Variants in PRKCI observed in about 807,000 individuals in gnomAD.
The protein encoded by PRKCI is protein kinase C iota.
In PRKCI, 43 loss-of-function variants were observed where a neutral mutation model predicts 84.0. The observed-to-expected ratio is 0.51, with a 90% CI of 0.40 to 0.66. The LOEUF is 0.66. PRKCI is among the 30% of genes least tolerant of loss of function. PRKCI has a pLI of 0.00. For synonymous variants in PRKCI, 216 were observed against 234.4 expected, an observed-to-expected ratio of 0.92 and a Z score of 0.72; for missense variants, 459 against 745.6, an observed-to-expected ratio of 0.62 and a Z score of 4.48.
At chr3:170,246,818 C>T (rs1001371731) in intron 2 of PRKCI, among the ~76,000 whole-genome samples, 2 of 152,182 alleles carry the variant, frequency 1.3e-5, no homozygotes, top group Non-Finnish European at 2.9e-5. Flanking sequence ...TAAACAATAA[C>T]TCCCTATCCC....
chr3:170,230,118 A>G (rs1082969), intron 1 of PRKCI, among the ~76,000 whole-genome samples: 121,015 of 151,408 alleles, frequency 0.8, 48,621 homozygotes, highest in South Asian at 0.89. Flanking sequence ...GTCTTAGGTA[A>G]AAGTGTTTTT....
rs1351440491 is a variant in PRKCI, at chr3:170,294,092, A to G, written c.1417+584A>G. On this transcript the variant is annotated intron_variant, in intron 14 of 17. Coordinates refer to ENST00000295797, the MANE Select transcript of PRKCI (RefSeq NM_002740.6). ...AAAATCATAACAGGGGTTATTTAGA[A>G]TTATCCATCACAAACAGATTGGAGA... Among the ~76,000 whole-genome samples, 3 of 152,198 alleles carry G rather than the reference A, an allele frequency of 2.0e-5. No homozygotes were observed. The East Asian group carries it at 5.8e-4, about 29-fold the overall frequency.
intron 2 of PRKCI, among the ~76,000 whole-genome samples, chr3:170,242,762 C>A (rs1733167909): frequency 6.6e-6 from 1 of 150,984 alleles, no homozygotes; most frequent in Non-Finnish European, 1.5e-5. Flanking sequence ...CCTCGACCTC[C>A]TGGGTTCAAG....
At chr3:170,265,088 C>T (rs568901108) in intron 4 of PRKCI, among the ~76,000 whole-genome samples, 1 of 151,948 alleles carries the variant, frequency 6.6e-6, no homozygotes, top group African/African-American at 2.4e-5. Flanking sequence ...ACCTGGGAGG[C>T]TGAGGCAGGA....
intron 7 of PRKCI, 81 bp downstream of exon 7, chr3:170,273,421 G>T: frequency 7.6e-7 from 1 of 1,322,312 alleles, no homozygotes; most frequent in African/African-American, 1.5e-5. Context: ...TCTTACCCAA[G>T]TTTAAAAACA....
Position 170,228,614 on chromosome 3 carries a change from T to TAC in PRKCI, c.101+5845_101+5846insCA, listed in dbSNP as rs773440380. 4.5e-3 allele frequency among the ~76,000 whole-genome samples: 571 copies of TAC among 127,234 alleles called. 3 individuals are homozygous for TAC. Among genetic ancestry groups the TAC allele is most frequent in the African/African-American group, 0.012 (381 of 32,224 alleles). 83.5% of individuals were successfully genotyped at this position (127,234 alleles called of 152,430 possible). A position where few individuals can be genotyped will look rare whatever the true frequency, so the allele number is the denominator to read the frequency against. On this transcript the variant is annotated intron_variant, in intron 1 of 17. Coordinates refer to ENST00000295797, the MANE Select transcript of PRKCI (RefSeq NM_002740.6). ...ATACACACACACAAATATATATATA[T>TAC]ATACACACACACACACACACACACA...
intron 8 of PRKCI, among the ~76,000 whole-genome samples, chr3:170,278,191 C>CGA (rs1734163777): frequency 1.3e-5 from 2 of 152,196 alleles, no homozygotes; most frequent in African/African-American, 4.8e-5. Flanking sequence ...GAAGTTAACT[C>CGA]TATCTTTTTT....
intron 1 of PRKCI, among the ~76,000 whole-genome samples, chr3:170,227,433 A>G (rs1264395524): frequency 1.3e-5 from 2 of 152,220 alleles, no homozygotes; most frequent in Admixed American, 6.5e-5. Context: ...TTTAATTTGA[A>G]GTACCTATGT....
At chr3:170,224,797 T>G (rs1732587533) in intron 1 of PRKCI, among the ~76,000 whole-genome samples, 1 of 152,240 alleles carries the variant, frequency 6.6e-6, no homozygotes, top group Non-Finnish European at 1.5e-5. Flanking sequence ...TTGCTGGGAT[T>G]ACAGGCATGA....
intron 12 of PRKCI, 149 bp downstream of exon 12, chr3:170,284,745 T>G (rs910304616): frequency 9.7e-7 from 1 of 1,028,708 alleles, no homozygotes; most frequent in African/African-American, 1.7e-5. Context: ...CAAATGTACT[T>G]TTTTTCTAAC....
chr3:170,270,127 G>C (rs1263264232), intron 5 of PRKCI, among the ~76,000 whole-genome samples: 2 of 152,086 alleles, frequency 1.3e-5, no homozygotes, highest in Admixed American at 1.3e-4. Context: ...TATATTTCTA[G>C]TTTAATTCTG....
At chr3:170,253,171 A>G (rs1370464454) in intron 2 of PRKCI, among the ~76,000 whole-genome samples, 1 of 152,132 alleles carries the variant, frequency 6.6e-6, no homozygotes, top group East Asian at 1.9e-4. Context: ...TATCTCTTCA[A>G]TATACTGATT....
intron 4 of PRKCI, among the ~76,000 whole-genome samples, chr3:170,263,737 C>T (rs1184481630): frequency 6.6e-6 from 1 of 151,954 alleles, no homozygotes; most frequent in Admixed American, 6.6e-5. Flanking sequence ...TTTGAGGCTA[C>T]AGTGAGCCAA....
intron 2 of PRKCI, among the ~76,000 whole-genome samples, chr3:170,248,821 A>G (rs78507004): frequency 6.6e-6 from 1 of 151,718 alleles, no homozygotes; most frequent in Non-Finnish European, 1.5e-5. Context: ...CAAAAGTGAG[A>G]TGGTCAGAAT....
chr3:170,280,006 C>G (rs1319839095), intron 8 of PRKCI: 5 of 367,778 alleles, frequency 1.4e-5, no homozygotes, highest in African/African-American at 6.3e-5. Context: ...CAACTCCCTC[C>G]CCATTCTTAT....
chr3:170,289,611 T>C (rs1734486838), intron 12 of PRKCI, among the ~76,000 whole-genome samples: 1 of 151,850 alleles, frequency 6.6e-6, no homozygotes, highest in Admixed American at 6.6e-5. Flanking sequence ...CCATCTCTAC[T>C]AAAAATACAA....
At chr3:170,271,152 T>C (rs898879037) in intron 6 of PRKCI, among the ~76,000 whole-genome samples, 1 of 152,192 alleles carries the variant, frequency 6.6e-6, no homozygotes, top group Non-Finnish European at 1.5e-5. Flanking sequence ...ACTTTTCCTG[T>C]GCAAATTTAT....
At chr3:170,237,350 ATTAT>A (rs1237061778) in intron 2 of PRKCI, among the ~76,000 whole-genome samples, 5 of 152,138 alleles carry the variant, frequency 3.3e-5, no homozygotes, top group Non-Finnish European at 5.9e-5. Flanking sequence ...TTACATGACT[ATTAT>A]GGAAGTCTAG....
At chr3:170,267,890 T>C in intron 4 of PRKCI, 25 bp from the exon 5 acceptor site, 1 of 1,515,924 alleles carries the variant, frequency 6.6e-7, no homozygotes, top group Non-Finnish European at 8.9e-7. Flanking sequence ...CTTTTTTCTT[T>C]TTTTAACTAT....
Sources: gnomAD v4.1 joint callset for allele counts (sites outside exome capture counted in the v4.1 genomes callset) on GRCh38, gnomAD v4.1.1 for gene constraint, MANE v1.5 for transcripts, NCBI Gene and HGNC (gene_info 2026-07-23, HGNC 2026-07-21) for gene names.